Variants in NRXN3 observed in about 807,000 individuals in gnomAD.
NRXN3 encodes neurexin 3.
A neutral mutation model predicts 137.6 loss-of-function variants in NRXN3; 32 were observed. The ratio of observed to expected loss-of-function variants is 0.23; its 90% CI spans 0.18 to 0.31. NRXN3 has a LOEUF of 0.31. Among genes scored for constraint, NRXN3 ranks in the 10% least tolerant of loss-of-function variants. The probability of loss-of-function intolerance (pLI) is 1.00; values close to 1 mark genes in which losing one functional copy is unlikely to be tolerated. For missense variants in NRXN3, 1,574 were observed against 2,062.5 expected (o/e 0.76, Z 4.59); for synonymous variants, 798 against 784.5 (o/e 1.02, Z -0.29).
rs752531866 is a variant in NRXN3 at position 79,841,379 on chromosome 14, C to T, written c.4094-19963C>T. On this transcript the variant is annotated intron_variant, in intron 20 of 20. Coordinates refer to ENST00000335750, the MANE Select transcript of NRXN3 (RefSeq NM_001330195.2). ...AGGTTGGAATGTCCAGCTGCTACCA[C>T]CCAACGGGATCCCAGCACAAAGAAA... Among the ~76,000 whole-genome samples the T allele has an allele frequency of 9.2e-5, 14 of 152,142 alleles. 1 individual carries two copies. The highest frequency in any genetic ancestry group is 1.6e-4 in the Non-Finnish European group (11 of 68,030).
intron 19 of NRXN3, among the ~76,000 whole-genome samples, chr14:79,769,482 G>T (rs540087688): frequency 1.3e-5 from 2 of 152,188 alleles, no homozygotes; most frequent in Non-Finnish European, 2.9e-5. Flanking sequence ...CATTCTTAAA[G>T]AAAAGAACTT....
intron 15 of NRXN3, among the ~76,000 whole-genome samples, chr14:79,097,541 G>A (rs773215561): frequency 3.3e-5 from 5 of 152,136 alleles, no homozygotes; most frequent in Non-Finnish European, 7.4e-5. Flanking sequence ...AGTTCTGAAG[G>A]AAGAGGCCAA....
At chr14:79,303,199 G>A (rs113168390) in intron 15 of NRXN3, among the ~76,000 whole-genome samples, 24 of 152,092 alleles carry the variant, frequency 1.6e-4, no homozygotes, top group African/African-American at 3.4e-4. Context: ...GTATAAAGAC[G>A]CATTTAGGAA....
chr14:79,233,412 A>G (rs1228010857), intron 15 of NRXN3, among the ~76,000 whole-genome samples: 1 of 152,142 alleles, frequency 6.6e-6, no homozygotes, highest in African/African-American at 2.4e-5. Flanking sequence ...TGGTATGCCC[A>G]GTGCTGCCTA....
At chr14:79,467,623 C>G (rs1483436116) in intron 16 of NRXN3, among the ~76,000 whole-genome samples, 1 of 152,210 alleles carries the variant, frequency 6.6e-6, no homozygotes, top group East Asian at 1.9e-4. Flanking sequence ...AAAAGAAATT[C>G]ATTCTTTGCA....
intron 19 of NRXN3, among the ~76,000 whole-genome samples, chr14:79,728,715 T>C (rs2098907956): frequency 6.6e-6 from 1 of 152,214 alleles, no homozygotes; most frequent in Non-Finnish European, 1.5e-5. Context: ...TCACCATTTA[T>C]CTTTGCACAC....
intron 8 of NRXN3, among the ~76,000 whole-genome samples, chr14:78,736,122 C>T (rs887458176): frequency 7.2e-6 from 1 of 138,266 alleles, no homozygotes; most frequent in African/African-American, 2.5e-5. Context: ...TTACTACACA[C>T]ATACACATAG....
chr14:79,845,264 CG>C lies in NRXN3; in HGVS notation c.4094-16075del, dbSNP rs1039989123. The stretch of plus-strand genomic sequence containing the variant: ...AAGGCTGTTTTACTTTCTTATCATT[CG>C]GGTATTTACTGGAACAACAATTTTA... On this transcript the variant is annotated intron_variant, in intron 20 of 20. Coordinates refer to ENST00000335750, the MANE Select transcript of NRXN3 (RefSeq NM_001330195.2). Among the ~76,000 whole-genome samples the C allele has an allele frequency of 5.0e-4, 76 of 152,288 alleles. No individual in the cohort carries two copies. In the Middle Eastern group the frequency reaches 0.024, roughly 48 times the overall value.
chr14:79,691,083 A>G (rs1054313513), intron 17 of NRXN3, among the ~76,000 whole-genome samples: 67 of 152,048 alleles, frequency 4.4e-4, no homozygotes, highest in African/African-American at 1.5e-3. Flanking sequence ...TTCCCAAGGC[A>G]TGGCTTCATC....
intron 4 of NRXN3, among the ~76,000 whole-genome samples, chr14:78,343,781 C>A (rs571826427): frequency 1.3e-5 from 2 of 152,344 alleles, no homozygotes; most frequent in South Asian, 4.1e-4. Context: ...ACATTGCAAT[C>A]ACCTGGGGAG....
At chr14:79,159,557 A>G (rs1230746978) in intron 15 of NRXN3, among the ~76,000 whole-genome samples, 2 of 151,792 alleles carry the variant, frequency 1.3e-5, no homozygotes, top group African/African-American at 4.8e-5. Context: ...AATTGAGTGG[A>G]TGGTCTGCTG....
chr14:79,362,309 C>T (rs1326723306), intron 15 of NRXN3, among the ~76,000 whole-genome samples: 1 of 151,602 alleles, frequency 6.6e-6, no homozygotes. Flanking sequence ...CTCCCCCCAC[C>T]CCACCACAGG....
At chr14:79,017,810 C>T (rs966037913) in intron 15 of NRXN3, among the ~76,000 whole-genome samples, 2 of 152,008 alleles carry the variant, frequency 1.3e-5, no homozygotes, top group Non-Finnish European at 2.9e-5. Context: ...GTGGGCCTTT[C>T]GTGTCAGAAT....
chr14:78,841,990 C>G (rs2099013765), intron 10 of NRXN3, among the ~76,000 whole-genome samples: 1 of 152,142 alleles, frequency 6.6e-6, no homozygotes, highest in Non-Finnish European at 1.5e-5. Context: ...ACTTACGATA[C>G]TGCCTGACAC....
chr14:78,341,350 A>G (rs1441413302), intron 4 of NRXN3, among the ~76,000 whole-genome samples: 2 of 152,182 alleles, frequency 1.3e-5, no homozygotes, highest in Admixed American at 1.3e-4. Context: ...ACAAGCTCCC[A>G]GGTGATGCCC....
At chr14:79,707,434 TG>T (rs2098785016) in intron 19 of NRXN3, among the ~76,000 whole-genome samples, 1 of 152,168 alleles carries the variant, frequency 6.6e-6, no homozygotes, top group South Asian at 2.1e-4. Flanking sequence ...CTTAAAACCA[TG>T]ACTCTAGGCA....
At chr14:79,053,603 G>T (rs2099645433) in intron 15 of NRXN3, among the ~76,000 whole-genome samples, 1 of 143,154 alleles carries the variant, frequency 7.0e-6, no homozygotes, top group South Asian at 2.4e-4. Flanking sequence ...TATTGTGCGT[G>T]TTCTATGTGT....
chr14:79,202,536 G>A (rs975945929), intron 15 of NRXN3, among the ~76,000 whole-genome samples: 3 of 151,856 alleles, frequency 2.0e-5, no homozygotes, highest in Non-Finnish European at 4.4e-5. Flanking sequence ...ACCCTCCTAC[G>A]ACTCTTCCCC....
chr14:79,819,071 G>T (rs531714303), intron 20 of NRXN3, among the ~76,000 whole-genome samples: 11 of 152,188 alleles, frequency 7.2e-5, no homozygotes, highest in African/African-American at 2.7e-4. Flanking sequence ...TGGCAATACT[G>T]TATTGCCCAG....
Sources: gnomAD v4.1 joint callset for allele counts (sites outside exome capture counted in the v4.1 genomes callset) on GRCh38, gnomAD v4.1.1 for gene constraint, MANE v1.5 for transcripts, NCBI Gene and HGNC (gene_info 2026-07-23, HGNC 2026-07-21) for gene names.